The following CFAP61 variants were observed in gnomAD, a reference collection of about 807,000 sequenced individuals.
The protein encoded by CFAP61 is cilia- and flagella-associated protein 61.
CFAP61 carries 107 observed loss-of-function variants against 135.6 expected under a neutral mutation model. The observed-to-expected ratio is 0.79, with a 90% CI of 0.67 to 0.93. CFAP61 has a LOEUF of 0.93. Ranked by LOEUF, CFAP61 falls within the 40% of genes least tolerant of loss-of-function variation. The probability of loss-of-function intolerance (pLI) is 0.00; values close to 1 mark genes in which losing one functional copy is unlikely to be tolerated. For synonymous variants in CFAP61, 575 were observed against 578.5 expected, an observed-to-expected ratio of 0.99 and a Z score of 0.09; for missense variants, 1,507 against 1,556.2, an observed-to-expected ratio of 0.97 and a Z score of 0.53.
At chr20:20,251,326 C>T (rs1174664190) in intron 19 of CFAP61, among the ~76,000 whole-genome samples, 1 of 141,152 alleles carries the variant, frequency 7.1e-6, no homozygotes, top group African/African-American at 2.5e-5. Flanking sequence ...CACACACATA[C>T]AGATAAACAC....
At chr20:20,117,000 CAGCACCATT>C (rs2049192514) in intron 8 of CFAP61, among the ~76,000 whole-genome samples, 1 of 152,138 alleles carries the variant, frequency 6.6e-6, no homozygotes, top group African/African-American at 2.4e-5. Context: ...CCAGTTTTCC[CAGCACCATT>C]TATTGATGAG....
At chr20:20,331,696 A>C (rs2058004022) in intron 25 of CFAP61, among the ~76,000 whole-genome samples, 2 of 152,130 alleles carry the variant, frequency 1.3e-5, no homozygotes, top group Admixed American at 1.3e-4. Flanking sequence ...ACAAAAGGTC[A>C]TTCTCTCTTG....
intron 24 of CFAP61, among the ~76,000 whole-genome samples, chr20:20,294,820 C>G (rs890371079): frequency 2.9e-4 from 44 of 150,548 alleles, no homozygotes; most frequent in African/African-American, 9.0e-4. Context: ...CCCAGCTACT[C>G]GGGAGGCTGA....
intron 21 of CFAP61, among the ~76,000 whole-genome samples, chr20:20,268,929 T>C (rs1357586976): frequency 6.6e-6 from 1 of 151,998 alleles, no homozygotes; most frequent in Non-Finnish European, 1.5e-5. Flanking sequence ...AGCATGTTTG[T>C]AGGAAAAGTA....
chr20:20,166,366 G>T (rs1194959416), intron 11 of CFAP61, 31 bp from the exon 12 acceptor site: 5 of 1,603,162 alleles, frequency 3.1e-6, no homozygotes, highest in East Asian at 4.5e-5. Flanking sequence ...TGCTTGCAGG[G>T]CACTGACAGT....
At chr20:20,206,713 A>G (rs1381163141) in intron 17 of CFAP61, among the ~76,000 whole-genome samples, 2 of 152,036 alleles carry the variant, frequency 1.3e-5, no homozygotes, top group Admixed American at 1.3e-4. Flanking sequence ...AAATGTTGCT[A>G]TGAAAATTTG....
intron 25 of CFAP61, among the ~76,000 whole-genome samples, chr20:20,309,204 T>C (rs902005743): frequency 6.6e-6 from 1 of 152,212 alleles, no homozygotes; most frequent in Non-Finnish European, 1.5e-5. Context: ...TTGAGGGTTA[T>C]TTAAGCATAT....
rs569654860 is a variant in CFAP61, at chr20:20,171,291, C to T, written c.1385+1831C>T. Among the ~76,000 whole-genome samples, 35 of 152,300 alleles carry T rather than the reference C, an allele frequency of 2.3e-4. No individual in the cohort carries two copies. The South Asian group carries it at 6.6e-3, about 29-fold the overall frequency. On this transcript the variant is annotated intron_variant, in intron 13 of 26. Coordinates refer to ENST00000245957, the MANE Select transcript of CFAP61 (RefSeq NM_015585.4). ...TCCTGCAGTAGTCCAGACAAGAGCA[C>T]GTGGTCTAAGGAGAATACCAGCTTT...
chr20:20,151,767 C>T (rs13040359), intron 9 of CFAP61, among the ~76,000 whole-genome samples: 3,357 of 134,998 alleles, frequency 0.025, 62 homozygotes, highest in Middle Eastern at 0.16. Context: ...GAGGTGGAGC[C>T]TGCAGTGAGC....
At chr20:20,100,961 CTTGT>C (rs1436176011) in intron 8 of CFAP61, among the ~76,000 whole-genome samples, 1 of 152,124 alleles carries the variant, frequency 6.6e-6, no homozygotes, top group Non-Finnish European at 1.5e-5. Context: ...TCTTCTGTGC[CTTGT>C]TTATTTTTGA....
rs115252088 is a variant in CFAP61, at chr20:20,182,419, T to C, written c.1386-5511T>C. On this transcript the variant is annotated intron_variant, in intron 13 of 26. Transcript: ENST00000245957. Reference sequence around the variant, plus strand: ...GTCTCCATAACAATTGGTCCGCTTCTAACCTCATGTGCCTTATTTAAAATT... The same window carrying C: ...GTCTCCATAACAATTGGTCCGCTTCCAACCTCATGTGCCTTATTTAAAATT... 6.5e-3 allele frequency among the ~76,000 whole-genome samples: 994 copies of C among 152,346 alleles called. 12 individuals carry two copies. Among genetic ancestry groups the C allele is most frequent in the African/African-American group, 0.023 (953 of 41,578 alleles).
At chr20:20,174,347 C>T (rs1251729221) in intron 13 of CFAP61, among the ~76,000 whole-genome samples, 1 of 152,174 alleles carries the variant, frequency 6.6e-6, no homozygotes, top group Non-Finnish European at 1.5e-5. Flanking sequence ...GTGTCCATCG[C>T]CTTTTTCCAT....
intron 8 of CFAP61, among the ~76,000 whole-genome samples, chr20:20,105,979 G>A (rs1360749345): frequency 7.7e-6 from 1 of 130,326 alleles, no homozygotes; most frequent in African/African-American, 3.0e-5. Context: ...CAACATCTTC[G>A]AAAGCTTTAG....
At chr20:20,322,677 AC>A (rs1289061380) in intron 25 of CFAP61, 4 of 985,206 alleles carry the variant, frequency 4.1e-6, no homozygotes, top group Admixed American at 6.1e-5. Context: ...AGAAACAGTT[AC>A]CAAGAAATGG....
chr20:20,199,488 A>C (rs749027792), intron 16 of CFAP61, among the ~76,000 whole-genome samples: 1 of 152,146 alleles, frequency 6.6e-6, no homozygotes, highest in African/African-American at 2.4e-5. Context: ...CCCGGGGAAA[A>C]TACTTGTACT....
intron 8 of CFAP61, among the ~76,000 whole-genome samples, chr20:20,106,144 A>G (rs896707615): frequency 1.3e-5 from 2 of 151,424 alleles, no homozygotes; most frequent in Non-Finnish European, 2.9e-5. Context: ...ATACCCAGGC[A>G]TCTCCAATGT....
Position 20,277,196 on chromosome 20 carries a change from ATACT to A in CFAP61, c.2538_2541del (p.Tyr847ProfsTer7), listed in dbSNP as rs747363799. ...ATCATTGTCTATGGGAATACAATTG[ATACT>A]TACACCACCGTGGAGACGCTCTTAA... On this transcript the variant is annotated frameshift_variant, in exon 22 of 27. Coordinates refer to ENST00000245957, the MANE Select transcript of CFAP61 (RefSeq NM_015585.4). LOFTEE classifies it high-confidence loss of function. 4.3e-6 allele frequency: 7 copies of A among 1,612,720 alleles called. No individual in the cohort carries two copies. The highest frequency in any genetic ancestry group is 4.5e-5 in the East Asian group (2 of 44,866).
At chr20:20,129,478 C>A (rs2050335789) in intron 8 of CFAP61, among the ~76,000 whole-genome samples, 1 of 151,688 alleles carries the variant, frequency 6.6e-6, no homozygotes, top group African/African-American at 2.4e-5. Flanking sequence ...TCCCTTGCTG[C>A]TTTTAGGATC....
intron 9 of CFAP61, among the ~76,000 whole-genome samples, chr20:20,146,425 A>G (rs2051890947): frequency 1.3e-5 from 2 of 152,320 alleles, no homozygotes; most frequent in Admixed American, 6.5e-5. Flanking sequence ...CCAGTGGATA[A>G]AGAAACTACT....
Sources: gnomAD v4.1 joint callset for allele counts (sites outside exome capture counted in the v4.1 genomes callset) on GRCh38, gnomAD v4.1.1 for gene constraint, MANE v1.5 for transcripts, NCBI Gene and HGNC (gene_info 2026-07-23, HGNC 2026-07-21) for gene names.